The following PLCB1 variants were observed in gnomAD, a reference collection of about 807,000 sequenced individuals.
PLCB1 encodes the protein 1-phosphatidylinositol 4,5-bisphosphate phosphodiesterase beta-1.
In PLCB1, 46 loss-of-function variants were observed where a neutral mutation model predicts 161.8. The observed-to-expected ratio is 0.28, with a 90% CI of 0.22 to 0.36. PLCB1 has a LOEUF of 0.36. PLCB1 is among the 10% of genes least tolerant of loss of function. The probability of loss-of-function intolerance (pLI) is 1.00; values close to 1 mark genes in which losing one functional copy is unlikely to be tolerated. For synonymous variants in PLCB1, 517 were observed against 503.7 expected (o/e 1.03, Z -0.35); for missense variants, 1,016 against 1,472.5 (o/e 0.69, Z 5.07).
chr20:8,563,575 A>G (rs1986220716), intron 3 of PLCB1, among the ~76,000 whole-genome samples: 1 of 152,154 alleles, frequency 6.6e-6, no homozygotes, highest in South Asian at 2.1e-4. Flanking sequence ...TGCAGATGAC[A>G]TGATTGTATA....
chr20:8,370,096 G>A (rs550883541), intron 2 of PLCB1, among the ~76,000 whole-genome samples: 13 of 152,236 alleles, frequency 8.5e-5, no homozygotes, highest in African/African-American at 1.7e-4. Context: ...GCCTCCTTCC[G>A]GGAGAAGGGG....
chr20:8,204,931 T>G (rs1746468220), intron 2 of PLCB1, among the ~76,000 whole-genome samples: 3 of 152,188 alleles, frequency 2.0e-5, no homozygotes, highest in Admixed American at 2.0e-4. Context: ...TTGACAATAC[T>G]GGTTGCTTCT....
chr20:8,717,748 C>T lies in PLCB1; in HGVS notation c.1413C>T (p.His471=). 1 of 1,613,586 alleles carries T rather than the reference C, an allele frequency of 6.2e-7. No homozygotes were observed. The highest frequency in any genetic ancestry group is 8.5e-7 in the Non-Finnish European group (1 of 1,179,648). Residue 471 remains histidine (H), a synonymous_variant, in exon 14 of 32, where the codon CAC becomes CAT. Coordinates refer to ENST00000338037, the MANE Select transcript of PLCB1 (RefSeq NM_015192.4). The part of the protein sequence containing the change: ...KILVKNKKKS[H]KSSEGSGKKK... ...TGGTGAAAAATAAGAAGAAATCACA[C>T]AAGTCATCAGAAGGAAGCGGCAAAA...
chr20:8,662,239 ATTAT>A (rs1369557961), intron 9 of PLCB1, among the ~76,000 whole-genome samples: 4 of 103,548 alleles, frequency 3.9e-5, no homozygotes, highest in African/African-American at 7.6e-5. Context: ...TCTATATATA[ATTAT>A]TTATTATATA....
At chr20:8,818,364 A>G (rs2146260630) in intron 31 of PLCB1, among the ~76,000 whole-genome samples, 1 of 152,366 alleles carries the variant, frequency 6.6e-6, no homozygotes, top group East Asian at 1.9e-4. Context: ...TCCCACCAGC[A>G]AATCTTCACT....
At chr20:8,246,738 A>G (rs1980897973) in intron 2 of PLCB1, among the ~76,000 whole-genome samples, 1 of 151,836 alleles carries the variant, frequency 6.6e-6, no homozygotes, top group Non-Finnish European at 1.5e-5. Context: ...GTGTGTGCAT[A>G]TGTGTTTCTG....
At chr20:8,678,576 C>T (rs760576315) in intron 9 of PLCB1, among the ~76,000 whole-genome samples, 1 of 152,170 alleles carries the variant, frequency 6.6e-6, no homozygotes, top group Non-Finnish European at 1.5e-5. Context: ...CTTGGCTTCT[C>T]GACCATGTTG....
intron 2 of PLCB1, chr20:8,305,864 G>A (rs1439983522): frequency 6.6e-6 from 1 of 152,206 alleles, no homozygotes; most frequent in Non-Finnish European, 1.5e-5. Context: ...GCAGTGGTTA[G>A]CTTTGATTTT....
At chr20:8,796,661 C>A (rs1398456007) in intron 31 of PLCB1, among the ~76,000 whole-genome samples, 2 of 152,030 alleles carry the variant, frequency 1.3e-5, no homozygotes, top group Admixed American at 6.6e-5. Context: ...TAAAGAATTG[C>A]CTTTTTAGGA....
At chr20:8,332,715 A>G (rs1003625799) in intron 2 of PLCB1, among the ~76,000 whole-genome samples, 1 of 152,180 alleles carries the variant, frequency 6.6e-6, no homozygotes, top group East Asian at 1.9e-4. Flanking sequence ...CTCTTTGGCT[A>G]ATGGTGCTCC....
At chr20:8,625,500 A>G (rs992685711) in intron 3 of PLCB1, among the ~76,000 whole-genome samples, 1 of 152,238 alleles carries the variant, frequency 6.6e-6, no homozygotes, top group Admixed American at 6.5e-5. Context: ...TACAGTTTTA[A>G]AGATAAAATG....
intron 2 of PLCB1, among the ~76,000 whole-genome samples, chr20:8,238,781 A>G (rs1353207660): frequency 2.0e-5 from 3 of 151,958 alleles, no homozygotes; most frequent in Non-Finnish European, 4.4e-5. Context: ...TGAGGCAATG[A>G]TAACTGAGAC....
At chr20:8,861,131 C>T (rs957762563) in intron 31 of PLCB1, among the ~76,000 whole-genome samples, 5 of 152,232 alleles carry the variant, frequency 3.3e-5, no homozygotes, top group African/African-American at 1.2e-4. Context: ...ATATTTTAAT[C>T]TAAAAGGCTA....
At chr20:8,263,531 T>G (rs1460937621) in intron 2 of PLCB1, among the ~76,000 whole-genome samples, 1 of 152,180 alleles carries the variant, frequency 6.6e-6, no homozygotes, top group East Asian at 1.9e-4. Flanking sequence ...CATGTGTCAC[T>G]TAATGCTGGG....
In PLCB1 at chr20:8,853,213, G is replaced by A. The variant is rs547730983; in HGVS notation, c.3424-28409G>A. On this transcript the variant is annotated intron_variant, in intron 31 of 31. Transcript: ENST00000338037. ...CAATTAGTTATATAAATAAAATAAA[G>A]TAGGTTATTAGTCCATATAAGATAG... 3.9e-5 allele frequency among the ~76,000 whole-genome samples: 6 copies of A among 152,294 alleles called. No homozygotes were observed. In the East Asian group the frequency reaches 9.6e-4, roughly 24 times the overall value.
chr20:8,260,233 G>A (rs67066054), intron 2 of PLCB1, among the ~76,000 whole-genome samples: 10,987 of 149,860 alleles, frequency 0.073, 490 homozygotes, highest in East Asian at 0.17. Context: ...GGCACACACC[G>A]TAGCACCCAG....
At chr20:8,210,464 G>A (rs1056937640) in intron 2 of PLCB1, among the ~76,000 whole-genome samples, 1 of 152,024 alleles carries the variant, frequency 6.6e-6, no homozygotes, top group African/African-American at 2.4e-5. Context: ...CTGAGAAATT[G>A]GAAACAACCT....
chr20:8,771,065 C>G (rs895784671), intron 26 of PLCB1, among the ~76,000 whole-genome samples: 1 of 152,118 alleles, frequency 6.6e-6, no homozygotes, highest in Non-Finnish European at 1.5e-5. Flanking sequence ...GACAAATTAT[C>G]TAGACCTGCT....
rs536840748 is a variant in PLCB1, at chr20:8,666,439, G to A, written c.862+7735G>A. On this transcript the variant is annotated intron_variant, in intron 9 of 31. Coordinates refer to ENST00000338037, the MANE Select transcript of PLCB1 (RefSeq NM_015192.4). ...ATTGAGAGAAAAAAAAATGGAAAGA[G>A]GCTGTGCCTCATCATTCCTGCCAAC... is the stretch of plus-strand genomic sequence containing the variant. 2.0e-5 allele frequency among the ~76,000 whole-genome samples: 3 copies of A among 152,302 alleles called. No homozygotes were observed. In the East Asian group the frequency reaches 5.8e-4, roughly 29 times the overall value.
Sources: allele counts gnomAD v4.1 joint callset (sites outside exome capture counted in the v4.1 genomes callset), GRCh38; gene constraint gnomAD v4.1.1; transcripts MANE v1.5; gene names NCBI Gene and HGNC (gene_info 2026-07-23, HGNC 2026-07-21).